Variants in CADM1 observed in about 807,000 individuals in gnomAD.
The protein encoded by CADM1 is cell adhesion molecule 1.
CADM1 carries 15 observed loss-of-function variants against 53.1 expected under a neutral mutation model. That is an observed-to-expected ratio of 0.28 (90% CI 0.19 to 0.44). CADM1 has a LOEUF of 0.44. CADM1 is among the 20% of genes least tolerant of loss of function. The pLI is 1.00. For missense variants in CADM1, 434 were observed against 611.3 expected (o/e 0.71, Z 3.06); for synonymous variants, 281 against 243.0 (o/e 1.16, Z -1.45).
At chr11:115,439,025 C>A (rs1371151142) in intron 1 of CADM1, among the ~76,000 whole-genome samples, 1 of 152,194 alleles carries the variant, frequency 6.6e-6, no homozygotes, top group African/African-American at 2.4e-5. Flanking sequence ...CATCAGAGAA[C>A]CCACTCTGGG....
In CADM1 at chr11:115,240,259, G is replaced by A. The variant is rs1436430352; in HGVS notation, c.271+15C>T. ...AAAAAAGTTGCCATCTACAACTATA[G>A]AGATGGAAACTTACGCCTGAAGTCC... is the stretch of plus-strand genomic sequence containing the variant. On this transcript the variant is annotated intron_variant, in intron 2 of 11. Transcript: ENST00000331581. 6 of 1,612,504 alleles carry A rather than the reference G, an allele frequency of 3.7e-6. No individual in the cohort carries two copies. In the South Asian group the frequency reaches 6.6e-5, roughly 18 times the overall value.
At chr11:115,407,703 T>C (rs952816399) in intron 1 of CADM1, among the ~76,000 whole-genome samples, 1 of 151,766 alleles carries the variant, frequency 6.6e-6, no homozygotes, top group Non-Finnish European at 1.5e-5. Context: ...ACCCTGTCTC[T>C]ACAGATAATT....
intron 1 of CADM1, among the ~76,000 whole-genome samples, chr11:115,273,061 G>T (rs1239482861): frequency 6.6e-6 from 1 of 152,120 alleles, no homozygotes; most frequent in Non-Finnish European, 1.5e-5. Context: ...TACTACAACA[G>T]CAGACTTGTT....
At chr11:115,181,014 G>C (rs1434871800) in intron 10 of CADM1, among the ~76,000 whole-genome samples, 1 of 152,124 alleles carries the variant, frequency 6.6e-6, no homozygotes, top group East Asian at 1.9e-4. Flanking sequence ...GAGGTGAAGA[G>C]AGGTTCCAGG....
intron 10 of CADM1, among the ~76,000 whole-genome samples, chr11:115,185,982 A>G (rs1228778691): frequency 6.6e-6 from 1 of 152,168 alleles, no homozygotes; most frequent in Admixed American, 6.5e-5. Flanking sequence ...GTGGCCTGCC[A>G]ACTTTTTAAC....
At chr11:115,297,299 T>C (rs1421503815) in intron 1 of CADM1, among the ~76,000 whole-genome samples, 1 of 152,178 alleles carries the variant, frequency 6.6e-6, no homozygotes, top group Non-Finnish European at 1.5e-5. Flanking sequence ...CAGAGAGACC[T>C]GGATGATGCA....
chr11:115,265,592 C>T (rs950077217), intron 1 of CADM1, among the ~76,000 whole-genome samples: 4 of 152,158 alleles, frequency 2.6e-5, no homozygotes, highest in African/African-American at 9.7e-5. Context: ...CCTGTCTCCA[C>T]CATTGAATAC....
intron 1 of CADM1, among the ~76,000 whole-genome samples, chr11:115,409,604 A>G (rs1209684492): frequency 6.6e-6 from 1 of 152,090 alleles, no homozygotes; most frequent in Non-Finnish European, 1.5e-5. Flanking sequence ...TAACTGGAGA[A>G]AAGTTCAGGA....
At chr11:115,435,700 T>C (rs1948168901) in intron 1 of CADM1, among the ~76,000 whole-genome samples, 1 of 152,174 alleles carries the variant, frequency 6.6e-6, no homozygotes, top group Non-Finnish European at 1.5e-5. Flanking sequence ...CACTGCACTC[T>C]AGCCTGGGCC....
At chr11:115,303,921 A>G (rs1330189645) in intron 1 of CADM1, among the ~76,000 whole-genome samples, 3 of 151,966 alleles carry the variant, frequency 2.0e-5, no homozygotes, top group Admixed American at 6.6e-5. Flanking sequence ...TTCCTATACA[A>G]TCCCCTAGGC....
chr11:115,367,884 C>A lies in CADM1; in HGVS notation c.125-127464G>T, dbSNP rs182663294. 4.6e-5 allele frequency among the ~76,000 whole-genome samples: 7 copies of A among 151,952 alleles called. No individual in the cohort carries two copies. In the East Asian group the frequency reaches 1.2e-3, roughly 25 times the overall value. ...CATTTTCCATATGAGATGATTTCCT[C>A]AAAAAATAAGTTTTTTTAACAACTT... On this transcript the variant is annotated intron_variant, in intron 1 of 11. Coordinates refer to ENST00000331581, the MANE Select transcript of CADM1 (RefSeq NM_001301043.2).
At chr11:115,493,612 T>C (rs1949547331) in intron 1 of CADM1, among the ~76,000 whole-genome samples, 2 of 152,134 alleles carry the variant, frequency 1.3e-5, no homozygotes, top group South Asian at 4.1e-4. Flanking sequence ...AGTAACTAAA[T>C]TTATATCTTG....
chr11:115,355,065 C>A (rs1333272799), intron 1 of CADM1, among the ~76,000 whole-genome samples: 5 of 152,126 alleles, frequency 3.3e-5, no homozygotes, highest in Non-Finnish European at 7.4e-5. Context: ...GAAATTATCA[C>A]TCTAAAAGCC....
At chr11:115,295,506 TTATATATATATATATATATATATA>T (rs71066412) in intron 1 of CADM1, among the ~76,000 whole-genome samples, 15 of 55,038 alleles carry the variant, frequency 2.7e-4, no homozygotes, top group East Asian at 9.1e-4. Context: ...TCAAGATATT[TTATATATATATATATATATATATA>T]TATATATATA....
chr11:115,296,788 T>C (rs1032805586), intron 1 of CADM1, among the ~76,000 whole-genome samples: 3 of 152,214 alleles, frequency 2.0e-5, no homozygotes, highest in African/African-American at 7.2e-5. Flanking sequence ...AGTATTTTCT[T>C]ATAGAAATCA....
chr11:115,310,226 A>G (rs1944495371), intron 1 of CADM1, among the ~76,000 whole-genome samples: 1 of 152,182 alleles, frequency 6.6e-6, no homozygotes, highest in African/African-American at 2.4e-5. Flanking sequence ...AACAGAGAAA[A>G]TGGAAATGTC....
Position 115,426,970 on chromosome 11 carries a change from G to A in CADM1, c.124+77301C>T, listed in dbSNP as rs541993490. Among the ~76,000 whole-genome samples, 597 of 152,144 alleles carry A rather than the reference G, an allele frequency of 3.9e-3. 1 individual carries two copies. The highest frequency in any genetic ancestry group is 6.5e-3 in the Non-Finnish European group (440 of 67,994). On this transcript the variant is annotated intron_variant, in intron 1 of 11. Coordinates refer to ENST00000331581, the MANE Select transcript of CADM1 (RefSeq NM_001301043.2). ...AAAGGTGCAGATAGGAATGCCACAG[G>A]AATACAGGAGGATATAATGAAACGA...
At chr11:115,270,971 A>G (rs1039117741) in intron 1 of CADM1, among the ~76,000 whole-genome samples, 1 of 152,100 alleles carries the variant, frequency 6.6e-6, no homozygotes, top group African/African-American at 2.4e-5. Context: ...CAACACAACC[A>G]CCAGATTGTG....
intron 1 of CADM1, among the ~76,000 whole-genome samples, chr11:115,290,319 T>G (rs1943854891): frequency 6.6e-6 from 1 of 152,200 alleles, no homozygotes; most frequent in South Asian, 2.1e-4. Context: ...AGGGTATTTT[T>G]AAATTAGAGA....
Sources: allele counts gnomAD v4.1 joint callset (sites outside exome capture counted in the v4.1 genomes callset), GRCh38; gene constraint gnomAD v4.1.1; transcripts MANE v1.5; gene names NCBI Gene and HGNC (gene_info 2026-07-23, HGNC 2026-07-21).